Variants in CFAP92 observed in about 807,000 individuals in gnomAD.
The protein encoded by CFAP92 is uncharacterized protein CFAP92.
Under a neutral mutation model 106.3 loss-of-function variants are expected in CFAP92, and 86 were observed. The observed-to-expected ratio is 0.81, with a 90% CI of 0.68 to 0.97. The LOEUF (loss-of-function observed/expected upper bound fraction) is 0.97. Ranked by LOEUF, CFAP92 falls within the 50% of genes least tolerant of loss-of-function variation. CFAP92 has a pLI of 0.00. For missense variants in CFAP92, 1,204 were observed against 1,283.8 expected (o/e 0.94, Z 0.95); for synonymous variants, 477 against 506.4 (o/e 0.94, Z 0.78).
In CFAP92 at chr3:128,985,518, C is replaced by CTT. The variant is rs1347567463; in HGVS notation, c.667+2096_667+2097dup. On this transcript the variant is annotated intron_variant, in intron 4 of 15. Transcript: ENST00000645291. Reference sequence around the variant, plus strand: ...GGCCCTAGAACACCTTTTCTCCTTCCTTTTCTGGCCACCAAATTCCCTTTA... The same window carrying CTT: ...GGCCCTAGAACACCTTTTCTCCTTCCTTTTTTCTGGCCACCAAATTCCCTTTA... Among the ~76,000 whole-genome samples, 4 of 152,300 alleles carry CTT rather than the reference C, an allele frequency of 2.6e-5. No individual in the cohort carries two copies. The East Asian group carries it at 7.7e-4, about 29-fold the overall frequency.
upstream of CFAP92, among the ~76,000 whole-genome samples, chr3:128,998,461 T>C (rs1576671270): frequency 6.6e-6 from 1 of 152,200 alleles, no homozygotes; most frequent in South Asian, 2.1e-4. Context: ...CCAAAAGCTT[T>C]ATGACACTGA....
intron 10 of CFAP92, among the ~76,000 whole-genome samples, chr3:128,936,610 T>C (rs1939047814): frequency 6.6e-6 from 1 of 152,162 alleles, no homozygotes; most frequent in Non-Finnish European, 1.5e-5. Flanking sequence ...GCCAGTCTTA[T>C]CTTATAGCTA....
intron 2 of CFAP92, among the ~76,000 whole-genome samples, chr3:128,989,514 A>G (rs1259861552): frequency 1.3e-5 from 2 of 152,166 alleles, no homozygotes; most frequent in East Asian, 1.9e-4. Context: ...AAGCTACCCA[A>G]TGCGGGGTGG....
chr3:128,943,313 C>T (rs763678050), intron 10 of CFAP92, among the ~76,000 whole-genome samples: 3 of 152,180 alleles, frequency 2.0e-5, no homozygotes, highest in Admixed American at 1.3e-4. Flanking sequence ...ACATCCTCCA[C>T]ATCCCTAAAG....
intron 8 of CFAP92, among the ~76,000 whole-genome samples, 198 bp from the exon 9 acceptor site, chr3:128,965,893 G>T (rs1478323838): frequency 6.6e-6 from 1 of 151,860 alleles, no homozygotes; most frequent in East Asian, 1.9e-4. Flanking sequence ...TCAAACTGAG[G>T]TCCCGTAAAT....
At chr3:128,961,231 C>T (rs1396168890) in intron 9 of CFAP92, among the ~76,000 whole-genome samples, 3 of 152,146 alleles carry the variant, frequency 2.0e-5, no homozygotes, top group East Asian at 1.9e-4. Flanking sequence ...AGGTGCCTGA[C>T]GTCCCGGCAT....
chr3:128,926,071 AAC>A (rs1369733057), intron 12 of CFAP92, among the ~76,000 whole-genome samples: 2 of 152,256 alleles, frequency 1.3e-5, no homozygotes, highest in Admixed American at 6.5e-5. Context: ...ATAAAAGTAA[AAC>A]ACTGTCAATT....
chr3:128,914,174 G>T (rs1297853762), intron 15 of CFAP92, among the ~76,000 whole-genome samples: 4 of 152,212 alleles, frequency 2.6e-5, no homozygotes, highest in Non-Finnish European at 5.9e-5. Flanking sequence ...TTGCTGGGAA[G>T]GCTGGCAGTG....
chr3:128,966,397 G>A (rs1223438844), intron 8 of CFAP92, among the ~76,000 whole-genome samples: 2 of 152,130 alleles, frequency 1.3e-5, no homozygotes, highest in African/African-American at 2.4e-5. Flanking sequence ...GTGATTTGAT[G>A]AGGAAAGCAC....
At chr3:128,989,765 C>A (rs915610334) in intron 2 of CFAP92, among the ~76,000 whole-genome samples, 10 of 152,186 alleles carry the variant, frequency 6.6e-5, no homozygotes, top group African/African-American at 2.4e-4. Context: ...GAGACTGCTG[C>A]AGCATTAATT....
At chr3:128,960,149 ACT>A (rs1280481975) in intron 9 of CFAP92, among the ~76,000 whole-genome samples, 3 of 151,966 alleles carry the variant, frequency 2.0e-5, no homozygotes, top group Admixed American at 1.3e-4. Context: ...CCCTTCGCTG[ACT>A]CTCTTTTCGG....
At position 128,945,759 on chromosome 3, in the gene CFAP92, T is replaced by C. The variant is rs142904887; in HGVS notation, c.1570A>G (p.Lys524Glu). ...RDRKSEECSQ[K>E]PVLFGEDPLD... ...GGGTCCTCCCCAAACAGCACGGGCT[T>C]CTGAGAACACTCCTCTGACTTGCGG... Residue 524 changes from lysine to glutamate, a missense_variant, in exon 10 of 16, where the codon AAG (lysine) becomes GAG (glutamate). Physicochemically the swap from Lys to Glu is moderately conservative, Grantham distance 56. Coordinates refer to ENST00000645291, the MANE Select transcript of CFAP92 (RefSeq NM_001394090.1). 635 of 1,534,888 alleles carry C rather than the reference T, an allele frequency of 4.1e-4. 5 individuals carry two copies. The African/African-American group carries it at 7.6e-3, about 18-fold the overall frequency.
chr3:128,998,346 T>C (rs1376435696), upstream of CFAP92, among the ~76,000 whole-genome samples: 1 of 152,218 alleles, frequency 6.6e-6, no homozygotes, highest in Non-Finnish European at 1.5e-5. Context: ...ATGCATTTGG[T>C]GTCGTATCTA....
chr3:129,020,813 G>C, the CFAP92 span, among the ~76,000 whole-genome samples: 1 of 152,162 alleles, frequency 6.6e-6, no homozygotes, highest in Non-Finnish European at 1.5e-5. Context: ...GTTACAGGCT[G>C]GCTGGGCACT....
chr3:129,010,745 T>C, the CFAP92 span, among the ~76,000 whole-genome samples: 1 of 152,266 alleles, frequency 6.6e-6, no homozygotes, highest in East Asian at 1.9e-4. This position sits in a 1 kb window ranked among gnomAD's most constrained non-coding sequence, Gnocchi z 4.3. Context: ...GGCCTCGGAT[T>C]CCATCGTCCT....
chr3:128,931,275 T>A (rs1399146002), intron 12 of CFAP92, among the ~76,000 whole-genome samples: 2 of 152,016 alleles, frequency 1.3e-5, no homozygotes, highest in African/African-American at 4.8e-5. Flanking sequence ...CAACCTGTGC[T>A]TCCCAGGCTC....
chr3:128,974,678 G>A (rs996598963), intron 7 of CFAP92, among the ~76,000 whole-genome samples: 3 of 152,038 alleles, frequency 2.0e-5, no homozygotes, highest in African/African-American at 7.3e-5. Flanking sequence ...AAAATTAGCT[G>A]GGTGTGGTGG....
In CFAP92 at chr3:128,977,069, G is replaced by A. The variant is rs781008074; in HGVS notation, c.809-3C>T. 3.2e-5 allele frequency: 51 copies of A among 1,612,490 alleles called. No homozygotes were observed. In the South Asian group the frequency reaches 5.6e-4, roughly 18 times the overall value. ...TTCGGGCTCTGCTTGGTGAGAACCTGAAAACAGTAGCAAATATTTCCAAGC... is the reference window on the plus strand; with the variant it reads ...TTCGGGCTCTGCTTGGTGAGAACCTAAAAACAGTAGCAAATATTTCCAAGC... On this transcript the variant is annotated splice_region_variant and splice_polypyrimidine_tract_variant and intron_variant, in intron 5 of 15. Transcript: ENST00000645291.
chr3:128,936,657 C>T lies in CFAP92; in HGVS notation c.2259-1338G>A, dbSNP rs150462487. On this transcript the variant is annotated intron_variant, in intron 10 of 15. Transcript: ENST00000645291. ...TGCTGCGACTCCAAGACTACTTTTA[C>T]TCACTGGCACTCACCAGTCAGAGGT... 4.9e-3 allele frequency among the ~76,000 whole-genome samples: 750 copies of T among 152,294 alleles called. 8 individuals are homozygous for T. Among genetic ancestry groups the T allele is most frequent in the African/African-American group, 0.017 (714 of 41,552 alleles).
Sources: allele counts gnomAD v4.1 joint callset (sites outside exome capture counted in the v4.1 genomes callset), GRCh38; gene constraint gnomAD v4.1.1; non-coding constraint Gnocchi (gnomAD v3.1); transcripts MANE v1.5; gene names NCBI Gene and HGNC (gene_info 2026-07-23, HGNC 2026-07-21).